The following C1RL variants were observed in gnomAD, a reference collection of about 807,000 sequenced individuals.
C1RL encodes complement C1r subcomponent-like protein.
A neutral mutation model predicts 27.9 loss-of-function variants in C1RL; 27 were observed. That is an observed-to-expected ratio of 0.97 (90% CI 0.71 to 1.33). The LOEUF is 1.33. C1RL is among the 40% of genes most tolerant of loss of function. The probability of loss-of-function intolerance (pLI) is 0.00; values close to 1 mark genes in which losing one functional copy is unlikely to be tolerated. For synonymous variants in C1RL, 248 were observed against 252.1 expected (o/e 0.98, Z 0.15); for missense variants, 563 against 623.9 (o/e 0.90, Z 1.04).
rs897740269 is a variant in C1RL at position 7,095,332 on chromosome 12, G to T, written c.*1059C>A. 2.2e-5 allele frequency: 21 copies of T among 938,054 alleles called. No homozygotes were observed. The highest frequency in any genetic ancestry group is 5.7e-5 in the Admixed American group (1 of 17,606). 58.1% of individuals were successfully genotyped at this position (938,054 alleles called of 1,614,324 possible). ...GGTTTCACCATGTTGGCCAGGATGG[G>T]CTGGATCTCCTGACCTCGTGATCCA... On this transcript the variant is annotated 3_prime_UTR_variant, in exon 6 of 6. Transcript: ENST00000266542.
At chr12:7,108,999 GGGA>G (rs1484675969) in intron 1 of C1RL, 108 bp downstream of exon 1, 333 of 391,790 alleles carry the variant, frequency 8.5e-4, no homozygotes, top group African/African-American at 1.5e-3. Context: ...GGGGGGGGGG[GGGA>G]TGTGTGTGTG....
chr12:7,099,247 A>G (rs945124148), intron 5 of C1RL, among the ~76,000 whole-genome samples: 2 of 148,742 alleles, frequency 1.3e-5, no homozygotes, highest in Non-Finnish European at 3.0e-5. Context: ...AAAAAAAAAA[A>G]AAAAAAAGTG....
chr12:7,094,596 C>G lies in C1RL; in HGVS notation c.*1795G>C, dbSNP rs745844920. On this transcript the variant is annotated 3_prime_UTR_variant, in exon 6 of 6. Coordinates refer to ENST00000266542, the MANE Select transcript of C1RL (RefSeq NM_016546.4). ...TTTTTTGCCTTGGCAGGGAGAAACT[C>G]ATATCATTTTTTGCAATCATAAAAA... 3.1e-4 allele frequency: 292 copies of G among 936,376 alleles called. No homozygotes were observed. The highest frequency in any genetic ancestry group is 3.7e-4 in the Non-Finnish European group (292 of 785,336). The allele number at this position is 936,376 out of a possible 1,614,324, so 58.0% of individuals were successfully genotyped here. A position where few individuals can be genotyped will look rare whatever the true frequency, so the allele number is the denominator to read the frequency against.
In C1RL at chr12:7,096,773, G is replaced by A; in HGVS notation, c.1082C>T (p.Pro361Leu). 6.2e-7 allele frequency: 1 copy of A among 1,607,512 alleles called. No individual in the cohort carries two copies. Among genetic ancestry groups the A allele is most frequent in the Non-Finnish European group, 8.5e-7 (1 of 1,176,320 alleles). Residue 361 changes from proline (P) to leucine (L), a missense_variant, in exon 6 of 6, where the codon CCC (proline) becomes CTC (leucine). Physicochemically the swap from Pro to Leu is moderately conservative, Grantham distance 98. Transcript: ENST00000266542. ...GCTGCGGTAGAGGGTCTCATTATCG[G>A]GCAGACAGACCGGGAGGACGTTGGG... ...LGPNVLPVCL[P>L]DNETLYRSGL...
At position 7,096,032 on chromosome 12, in the gene C1RL, C is replaced by A. The variant is rs1288613221; in HGVS notation, c.*359G>T. On this transcript the variant is annotated 3_prime_UTR_variant, in exon 6 of 6. Coordinates refer to ENST00000266542, the MANE Select transcript of C1RL (RefSeq NM_016546.4). Reference sequence around the variant, plus strand: ...AATAGCGGGTGAGTAGCTGACTCTTCCACAGGTGAGTATAAAAGCTGTGTC... The same window carrying A: ...AATAGCGGGTGAGTAGCTGACTCTTACACAGGTGAGTATAAAAGCTGTGTC... 2 of 1,037,512 alleles carry A rather than the reference C, an allele frequency of 1.9e-6. No individual in the cohort carries two copies. The highest frequency in any genetic ancestry group is 1.7e-4 in the East Asian group (2 of 11,652). The allele number at this position is 1,037,512 out of a possible 1,614,324, so 64.3% of individuals were successfully genotyped here. A position where few individuals can be genotyped will look rare whatever the true frequency, so the allele number is the denominator to read the frequency against.
chr12:7,096,967 G>C lies in C1RL; in HGVS notation c.888C>G (p.Asn296Lys). The C allele has an allele frequency of 1.9e-6, 3 of 1,613,970 alleles. No individual in the cohort carries two copies. Among genetic ancestry groups the C allele is most frequent in the Non-Finnish European group, 2.5e-6 (3 of 1,179,906 alleles). ...YPKDSVSLRK[N>K]QSVNVFLGHT... ...GGCCCAAGAACACATTCACACTCTG[G>C]TTCTTCCTGAGAGAAACACTGTCCT... Residue 296 changes from asparagine to lysine, a missense_variant, in exon 6 of 6, where the codon AAC becomes AAG. By Grantham distance (94) the Asn-to-Lys change is moderately conservative. Transcript: ENST00000266542.
intron 5 of C1RL, among the ~76,000 whole-genome samples, chr12:7,098,768 A>G (rs1938527027): frequency 6.6e-6 from 1 of 152,236 alleles, no homozygotes; most frequent in South Asian, 2.1e-4. Flanking sequence ...CCATAGAGAT[A>G]GAAGATTAGT....
Position 7,099,963 on chromosome 12 carries a change from C to A in C1RL, c.554G>T (p.Gly185Val). The A allele has an allele frequency of 6.2e-7, 1 of 1,614,024 alleles. No homozygotes were observed. The highest frequency in any genetic ancestry group is 8.5e-7 in the Non-Finnish European group (1 of 1,179,992). ...GTTCTGGACCTTGGCAGGGTTGTCTCCAGGTGCGTTGATGGCCTCAGAGCC... is the reference window on the plus strand; with the variant it reads ...GTTCTGGACCTTGGCAGGGTTGTCTACAGGTGCGTTGATGGCCTCAGAGCC... ...SRGSEAINAPGDNPAKVQNHC... is the reference protein window; with the variant it reads ...SRGSEAINAPVDNPAKVQNHC... Residue 185 changes from glycine (G) to valine (V), a missense_variant, in exon 4 of 6, where the codon GGA becomes GTA. Gly to Val is a moderately radical substitution (Grantham distance 109). Transcript: ENST00000266542.
chr12:7,099,225 C>CAAAAAAAAAAAAAAAAAAAAA (rs1180325788), intron 5 of C1RL, among the ~76,000 whole-genome samples: 6 of 44,388 alleles, frequency 1.4e-4, no homozygotes, highest in African/African-American at 5.1e-4. Context: ...AACTCCATCC[C>CAAAAAAAAAAAAAAAAAAAAA]AAAAAAAAAA....
intron 3 of C1RL, among the ~76,000 whole-genome samples, chr12:7,101,323 T>G (rs981071964): frequency 6.6e-6 from 1 of 150,598 alleles, no homozygotes; most frequent in Non-Finnish European, 1.5e-5. Flanking sequence ...CAGGCTGGAG[T>G]GCGGTGGCAT....
At position 7,101,931 on chromosome 12, in the gene C1RL, G is replaced by A; in HGVS notation, c.457C>T (p.His153Tyr). 6 of 1,614,222 alleles carry A rather than the reference G, an allele frequency of 3.7e-6. No homozygotes were observed. Among genetic ancestry groups the A allele is most frequent in the Non-Finnish European group, 4.2e-6 (5 of 1,180,040 alleles). The change falls in exon 3 of 6, where the codon CAC becomes TAC. Residue 153 changes from histidine to tyrosine, a missense_variant. His to Tyr is a moderately conservative substitution (Grantham distance 83). Transcript: ENST00000266542. ...TGGTAGAGGGCCAGGAAGCCCTTGT[G>A]GAGGTGGGCAGTCTTGTTCTCCGAG... ...PSSENKTAHL[H>Y]KGFLALYQTV...
chr12:7,096,803 AG>A lies in C1RL; in HGVS notation c.1051del (p.Leu351TrpfsTer35), dbSNP rs1938447875. 6.2e-7 allele frequency: 1 copy of A among 1,605,416 alleles called. No individual in the cohort carries two copies. Among genetic ancestry groups the A allele is most frequent in the Non-Finnish European group, 8.5e-7 (1 of 1,175,198 alleles). On this transcript the variant is annotated frameshift_variant, in exon 6 of 6. Coordinates refer to ENST00000266542, the MANE Select transcript of C1RL (RefSeq NM_016546.4). LOFTEE classifies it low-confidence loss of function (END_TRUNC). ...ACAGACCGGGAGGACGTTGGGGCCC[AG>A]GGGGATGCTGTGCTGCAGCTCCAGG... ...ALLELQHSIP[L>X]GPNVLPVCLP...
Position 7,095,064 on chromosome 12 carries a change from A to G in C1RL, c.*1327T>C. 8.6e-7 allele frequency: 1 copy of G among 1,161,406 alleles called. No homozygotes were observed. The highest frequency in any genetic ancestry group is 1.1e-6 in the Non-Finnish European group (1 of 930,794). The allele number at this position is 1,161,406 out of a possible 1,614,324, so 71.9% of individuals were successfully genotyped here. ...CTCTCTTTTATGGTGTTTATTTTCT[A>G]TTTCCATTGAACAGTTGTATTTTAT... is the stretch of plus-strand genomic sequence containing the variant. On this transcript the variant is annotated 3_prime_UTR_variant, in exon 6 of 6. Transcript: ENST00000266542.
At chr12:7,097,626 T>C (rs1039790898) in intron 5 of C1RL, among the ~76,000 whole-genome samples, 4 of 151,926 alleles carry the variant, frequency 2.6e-5, no homozygotes, top group African/African-American at 9.7e-5. Context: ...GTGTAGACCA[T>C]GTGGGCAGAC....
chr12:7,097,229 G>T, intron 5 of C1RL, 66 bp from the exon 6 acceptor site: 1 of 1,443,838 alleles, frequency 6.9e-7, no homozygotes, highest in Non-Finnish European at 9.3e-7. Flanking sequence ...TTAAAGACCT[G>T]CTTCTCTGAA....
At chr12:7,108,974 TG>T (rs1938853074) in intron 1 of C1RL, 135 bp downstream of exon 1, 1 of 357,958 alleles carries the variant, frequency 2.8e-6, no homozygotes, top group South Asian at 2.3e-5. Context: ...GAGGTGTGTG[TG>T]TGTGTGTGTG....
chr12:7,100,024 C>T lies in C1RL; in HGVS notation c.493G>A (p.Val165Met), dbSNP rs1565636345. The T allele has an allele frequency of 1.2e-6, 2 of 1,611,046 alleles. No homozygotes were observed. The highest frequency in any genetic ancestry group is 2.2e-5 in the South Asian group (2 of 90,364). ...TCGCTGATGGGCTGACTATAGTTCACAGCTATAGGAAAACAGCACCTAGCA... is the reference window on the plus strand; with the variant it reads ...TCGCTGATGGGCTGACTATAGTTCATAGCTATAGGAAAACAGCACCTAGCA... Reference protein sequence around the residue: ...GFLALYQTVAVNYSQPISEAS... With the variant: ...GFLALYQTVAMNYSQPISEAS... Residue 165 changes from valine to methionine, a missense_variant and splice_region_variant, in exon 4 of 6, where the codon GTG (valine) becomes ATG (methionine). By Grantham distance (21) the Val-to-Met change is conservative. Coordinates refer to ENST00000266542, the MANE Select transcript of C1RL (RefSeq NM_016546.4).
chr12:7,099,184 C>T (rs868102123), intron 5 of C1RL, among the ~76,000 whole-genome samples: 2 of 124,990 alleles, frequency 1.6e-5, no homozygotes, highest in African/African-American at 3.1e-5. Context: ...AAGATTGTGC[C>T]GTTGCACTTC....
chr12:7,101,771 T>C (rs1416830869), intron 3 of C1RL, 127 bp downstream of exon 3: 17 of 979,320 alleles, frequency 1.7e-5, no homozygotes, highest in Non-Finnish European at 2.7e-5. Flanking sequence ...AGGGCTGGGA[T>C]CCAGCCCAGG....
Sources: gnomAD v4.1 joint callset for allele counts (sites outside exome capture counted in the v4.1 genomes callset) on GRCh38, gnomAD v4.1.1 for gene constraint, MANE v1.5 for transcripts, NCBI Gene and HGNC (gene_info 2026-07-23, HGNC 2026-07-21) for gene names.